Variants in MCTP1 observed in about 807,000 individuals in gnomAD.
MCTP1 encodes the protein multiple C2 and transmembrane domain-containing protein 1.
Under a neutral mutation model 120.6 loss-of-function variants are expected in MCTP1, and 69 were observed. The ratio of observed to expected loss-of-function variants is 0.57; its 90% CI spans 0.47 to 0.70. The LOEUF (loss-of-function observed/expected upper bound fraction) is 0.70, where lower values mean the gene tolerates loss of function less well. MCTP1 is among the 30% of genes least tolerant of loss of function. The pLI is 0.00. For missense variants in MCTP1, 1,203 were observed against 1,248.8 expected, an observed-to-expected ratio of 0.96 and a Z score of 0.55; for synonymous variants, 529 against 493.1, an observed-to-expected ratio of 1.07 and a Z score of -0.96.
chr5:94,845,837 C>T (rs1430207831), intron 17 of MCTP1, among the ~76,000 whole-genome samples: 1 of 152,128 alleles, frequency 6.6e-6, no homozygotes, highest in Non-Finnish European at 1.5e-5. Flanking sequence ...CAGGGGTGAG[C>T]ACCACACCCA....
chr5:95,280,063 C>G (rs1760188188), intron 1 of MCTP1, among the ~76,000 whole-genome samples: 1 of 152,136 alleles, frequency 6.6e-6, no homozygotes, highest in African/African-American at 2.4e-5. Context: ...GTAAAAACAT[C>G]TGAAAAATTG....
At chr5:94,920,354 G>C (rs1249393759) in intron 7 of MCTP1, among the ~76,000 whole-genome samples, 1 of 150,100 alleles carries the variant, frequency 6.7e-6, no homozygotes, top group Admixed American at 6.7e-5. Context: ...TAAAAATGGA[G>C]ATAATTCCTG....
At chr5:95,088,585 C>A (rs576949480) in intron 1 of MCTP1, among the ~76,000 whole-genome samples, 2 of 152,252 alleles carry the variant, frequency 1.3e-5, no homozygotes, top group African/African-American at 2.4e-5. Context: ...ACCATATGTA[C>A]CCAGCTAACA....
chr5:95,023,290 A>AAAG (rs1439595780), intron 1 of MCTP1, among the ~76,000 whole-genome samples: 1 of 152,188 alleles, frequency 6.6e-6, no homozygotes, highest in Non-Finnish European at 1.5e-5. Flanking sequence ...TGTAAGAGGG[A>AAAG]TGAGAGTAGA....
At chr5:95,246,064 T>C (rs1177710392) in intron 1 of MCTP1, among the ~76,000 whole-genome samples, 1 of 152,146 alleles carries the variant, frequency 6.6e-6, no homozygotes, top group Non-Finnish European at 1.5e-5. Flanking sequence ...CAGAATCTCA[T>C]AACCAGCCAA....
Position 94,775,956 on chromosome 5 carries a change from A to G in MCTP1, c.2610+3154T>C, listed in dbSNP as rs539192035. Among the ~76,000 whole-genome samples the G allele has an allele frequency of 1.7e-4, 25 of 143,804 alleles. 2 individuals carry two copies. Among genetic ancestry groups the G allele is most frequent in the Non-Finnish European group, 1.5e-5 (1 of 66,430 alleles). The allele number at this position is 143,804 out of a possible 152,430, so 94.3% of individuals were successfully genotyped here. A position where few individuals can be genotyped will look rare whatever the true frequency, so the allele number is the denominator to read the frequency against. Reference sequence around the variant, plus strand: ...ATATATTAATATATATTATAGAAATATATTTATATTATATATATATATATA... The same window carrying G: ...ATATATTAATATATATTATAGAAATGTATTTATATTATATATATATATATA... On this transcript the variant is annotated intron_variant, in intron 19 of 22. Coordinates refer to ENST00000515393, the MANE Select transcript of MCTP1 (RefSeq NM_024717.7).
intron 1 of MCTP1, among the ~76,000 whole-genome samples, chr5:95,260,302 T>C (rs1758354870): frequency 1.3e-5 from 2 of 152,114 alleles, no homozygotes; most frequent in Admixed American, 6.5e-5. Context: ...TTCGGAGAAA[T>C]CTCTATTTCA....
At chr5:95,042,527 T>C (rs572810155) in intron 1 of MCTP1, among the ~76,000 whole-genome samples, 1 of 152,348 alleles carries the variant, frequency 6.6e-6, no homozygotes, top group South Asian at 2.1e-4. Context: ...GGGAATGTCA[T>C]GTGCAGAATT....
At chr5:94,783,779 G>A (rs1458779679) in intron 18 of MCTP1, among the ~76,000 whole-genome samples, 1 of 151,994 alleles carries the variant, frequency 6.6e-6, no homozygotes, top group African/African-American at 2.4e-5. Context: ...TTTTCCATGA[G>A]TAAATTCTTC....
chr5:94,980,319 T>C (rs1323333873), intron 2 of MCTP1, among the ~76,000 whole-genome samples: 1 of 152,124 alleles, frequency 6.6e-6, no homozygotes, highest in African/African-American at 2.4e-5. Context: ...AATAATCTTA[T>C]AGAAACAAAA....
chr5:95,011,197 A>T (rs1229603661), intron 2 of MCTP1, among the ~76,000 whole-genome samples: 1 of 152,158 alleles, frequency 6.6e-6, no homozygotes, highest in Non-Finnish European at 1.5e-5. Flanking sequence ...TCTATTTCAC[A>T]TCATAACTGT....
intron 2 of MCTP1, among the ~76,000 whole-genome samples, chr5:94,966,250 C>T (rs1191320329): frequency 6.6e-6 from 1 of 152,160 alleles, no homozygotes; most frequent in Non-Finnish European, 1.5e-5. Context: ...TTCTATTCAA[C>T]AGTTTAGGAA....
Position 95,283,905 on chromosome 5 carries a change from G to T in MCTP1, c.671C>A (p.Pro224His), listed in dbSNP as rs1582732637. Residue 224 changes from proline to histidine, a missense_variant, in exon 1 of 23, where the codon CCC becomes CAC. Physicochemically the swap from Pro to His is moderately conservative, Grantham distance 77 (BLOSUM62 -2). Around this residue, in one of 2 missense-constraint regions of MCTP1, gnomAD observed 463 missense variants for 377.8 expected, o/e 1.23. Coordinates refer to ENST00000515393, the MANE Select transcript of MCTP1 (RefSeq NM_024717.7). ...PPPPAEPARS[P>H]AESRAPETGE... ...CGTCTCCGGGGCCCGAGACTCCGCG[G>T]GACTCCGCGCCGGCTCTGCGGGAGG... 1 of 1,391,414 alleles carries T rather than the reference G, an allele frequency of 7.2e-7. No homozygotes were observed. The highest frequency in any genetic ancestry group is 3.0e-5 in the East Asian group (1 of 33,646). The allele number at this position is 1,391,414 out of a possible 1,614,324, so 86.2% of individuals were successfully genotyped here.
chr5:95,164,215 T>C (rs1416160324), intron 1 of MCTP1, among the ~76,000 whole-genome samples: 1 of 152,178 alleles, frequency 6.6e-6, no homozygotes, highest in East Asian at 1.9e-4. Flanking sequence ...GTGGGAGCAT[T>C]ATTTGCCTTA....
At chr5:95,108,151 G>GT (rs2152383839) in intron 1 of MCTP1, among the ~76,000 whole-genome samples, 1 of 152,326 alleles carries the variant, frequency 6.6e-6, no homozygotes, top group East Asian at 1.9e-4. Flanking sequence ...ATACACTGGA[G>GT]TTTATTTGCC....
At chr5:95,175,742 A>C (rs750808904) in intron 1 of MCTP1, among the ~76,000 whole-genome samples, 4 of 152,162 alleles carry the variant, frequency 2.6e-5, no homozygotes, top group Non-Finnish European at 5.9e-5. Flanking sequence ...TCCTCTACGT[A>C]AACAAGGTGT....
At chr5:95,093,073 T>TTGGA (rs762896652) in intron 1 of MCTP1, among the ~76,000 whole-genome samples, 14 of 152,214 alleles carry the variant, frequency 9.2e-5, no homozygotes, top group Non-Finnish European at 1.6e-4. Flanking sequence ...AAACACCAAT[T>TTGGA]TGGAGTAAAA....
intron 18 of MCTP1, 107 bp downstream of exon 18, chr5:94,798,906 T>G: frequency 8.3e-7 from 1 of 1,201,456 alleles, no homozygotes; most frequent in Non-Finnish European, 1.2e-6. Context: ...AACTTGAGTA[T>G]TTATAGACAG....
At chr5:95,201,463 GGTTTTTTTTTTTT>G (rs1751014298) in intron 1 of MCTP1, among the ~76,000 whole-genome samples, 1 of 120,682 alleles carries the variant, frequency 8.3e-6, no homozygotes, top group Non-Finnish European at 1.8e-5. Context: ...AAGGAAAAGT[GGTTTTTTTTTTTT>G]TTTTTTTTTT....
Sources: allele counts gnomAD v4.1 joint callset (sites outside exome capture counted in the v4.1 genomes callset), GRCh38; gene constraint gnomAD v4.1.1; regional missense constraint gnomAD v4.1.1; transcripts MANE v1.5; gene names NCBI Gene and HGNC (gene_info 2026-07-23, HGNC 2026-07-21).